Variants in SH3GL2 observed in about 807,000 individuals in gnomAD.
SH3GL2 encodes the protein endophilin-A1.
A neutral mutation model predicts 46.0 loss-of-function variants in SH3GL2; 24 were observed. The ratio of observed to expected loss-of-function variants is 0.52; its 90% CI spans 0.38 to 0.73. SH3GL2 has a LOEUF of 0.73. Ranked by LOEUF, SH3GL2 falls within the 30% of genes least tolerant of loss-of-function variation. SH3GL2 has a pLI of 0.00. For synonymous variants in SH3GL2, 196 were observed against 147.1 expected (o/e 1.33, Z -2.40); for missense variants, 413 against 424.2 (o/e 0.97, Z 0.23).
chr9:17,777,676 G>A (rs926997662), intron 3 of SH3GL2, among the ~76,000 whole-genome samples: 9 of 151,948 alleles, frequency 5.9e-5, no homozygotes, highest in East Asian at 1.9e-4. Flanking sequence ...TAACCTTTTC[G>A]TGGTGCATGT....
At chr9:17,597,853 TC>T (rs1818602784) in intron 1 of SH3GL2, among the ~76,000 whole-genome samples, 1 of 152,188 alleles carries the variant, frequency 6.6e-6, no homozygotes, top group African/African-American at 2.4e-5. Context: ...GGCCAGTTTT[TC>T]CCCTCTTTAT....
chr9:17,726,819 G>T (rs1385651152), intron 1 of SH3GL2, among the ~76,000 whole-genome samples: 2 of 152,268 alleles, frequency 1.3e-5, no homozygotes, highest in Middle Eastern at 3.4e-3. Flanking sequence ...TGGGGAAGAT[G>T]TGGAGAAACA....
In SH3GL2 at chr9:17,655,873, T is replaced by C. The variant is rs146957524; in HGVS notation, c.45+76586T>C. ...AGCCTGATGCATTCCAAGAGGAGGA[T>C]AGAGGTGGGTCCAGGTCACTTTGCA... On this transcript the variant is annotated intron_variant, in intron 1 of 8. Coordinates refer to ENST00000380607, the MANE Select transcript of SH3GL2 (RefSeq NM_003026.5). Among the ~76,000 whole-genome samples the C allele has an allele frequency of 1.5e-3, 222 of 152,308 alleles. 3 individuals are homozygous for C. Among genetic ancestry groups the C allele is most frequent in the African/African-American group, 5.2e-3 (217 of 41,572 alleles).
At position 17,795,571 on chromosome 9, in the gene SH3GL2, G is replaced by T. The variant is rs370370071; in HGVS notation, c.887G>T (p.Arg296Leu). The T allele has an allele frequency of 6.2e-7, 1 of 1,613,948 alleles. No homozygotes were observed. The highest frequency in any genetic ancestry group is 8.5e-7 in the Non-Finnish European group (1 of 1,179,920). ...GTCCAAATGGATCAGCCCTGCTGCC[G>T]AGCTCTGTACGACTTTGAACCTGAA... The part of the protein sequence containing the change: ...SGVQMDQPCC[R>L]ALYDFEPENE... The change falls in exon 9 of 9, where the codon CGA becomes CTA. Residue 296 changes from arginine (R) to leucine (L), a missense_variant. Arg to Leu is a moderately radical substitution (Grantham distance 102). Coordinates refer to ENST00000380607, the MANE Select transcript of SH3GL2 (RefSeq NM_003026.5).
At chr9:17,770,818 G>A (rs921705406) in intron 3 of SH3GL2, among the ~76,000 whole-genome samples, 3 of 152,192 alleles carry the variant, frequency 2.0e-5, no homozygotes, top group Non-Finnish European at 4.4e-5. Flanking sequence ...GGAAGCCAGA[G>A]CTCTCAATCA....
intron 1 of SH3GL2, among the ~76,000 whole-genome samples, chr9:17,708,680 CTTG>C (rs1193600006): frequency 4.0e-5 from 6 of 151,890 alleles, no homozygotes; most frequent in Non-Finnish European, 7.4e-5. Context: ...GATAATGCCT[CTTG>C]TTGTGCTTCA....
At chr9:17,777,797 A>C (rs181902122) in intron 3 of SH3GL2, among the ~76,000 whole-genome samples, 13 of 152,188 alleles carry the variant, frequency 8.5e-5, no homozygotes, top group African/African-American at 3.1e-4. Context: ...TAAAAGCACT[A>C]TCTCAAAATA....
At chr9:17,722,542 A>G (rs1438737133) in intron 1 of SH3GL2, among the ~76,000 whole-genome samples, 1 of 151,758 alleles carries the variant, frequency 6.6e-6, no homozygotes, top group Admixed American at 6.6e-5. Context: ...TATCATTATT[A>G]TACTTTAAGT....
At chr9:17,604,372 T>C (rs1236033726) in intron 1 of SH3GL2, among the ~76,000 whole-genome samples, 1 of 152,340 alleles carries the variant, frequency 6.6e-6, no homozygotes, top group African/African-American at 2.4e-5. Context: ...GAGGTTGTTA[T>C]GGGGATTAAC....
chr9:17,730,132 T>G (rs903722696), intron 1 of SH3GL2, among the ~76,000 whole-genome samples: 1 of 152,174 alleles, frequency 6.6e-6, no homozygotes, highest in African/African-American at 2.4e-5. Flanking sequence ...CCTCTCTTAT[T>G]TCCTTGAGCA....
chr9:17,663,933 C>G (rs1820283794), intron 1 of SH3GL2, among the ~76,000 whole-genome samples: 1 of 152,182 alleles, frequency 6.6e-6, no homozygotes, highest in African/African-American at 2.4e-5. Context: ...GAGAGAGACA[C>G]TTCTCTAGTC....
At chr9:17,690,688 A>G (rs557761919) in intron 1 of SH3GL2, among the ~76,000 whole-genome samples, 44 of 152,120 alleles carry the variant, frequency 2.9e-4, no homozygotes, top group Non-Finnish European at 6.0e-4. Context: ...CTCTCTCTCC[A>G]TTCTTTCCTA....
intron 1 of SH3GL2, among the ~76,000 whole-genome samples, chr9:17,674,940 C>G (rs1820570721): frequency 6.6e-6 from 1 of 152,082 alleles, no homozygotes; most frequent in Non-Finnish European, 1.5e-5. Context: ...AGCCCAGATT[C>G]AAGGGATGGG....
At chr9:17,599,303 C>A (rs535474355) in intron 1 of SH3GL2, among the ~76,000 whole-genome samples, 1 of 152,270 alleles carries the variant, frequency 6.6e-6, no homozygotes, top group African/African-American at 2.4e-5. Flanking sequence ...AAATGAAGAA[C>A]TGCTGAGTAG....
intron 2 of SH3GL2, among the ~76,000 whole-genome samples, chr9:17,749,733 TA>T (rs1270308836): frequency 6.6e-6 from 1 of 152,220 alleles, no homozygotes; most frequent in Non-Finnish European, 1.5e-5. Flanking sequence ...TTTGGAGATT[TA>T]TTTTGGTGAG....
At chr9:17,615,603 C>T (rs2038518) in intron 1 of SH3GL2, among the ~76,000 whole-genome samples, 23,713 of 144,122 alleles carry the variant, frequency 0.16, 2,012 homozygotes, top group Middle Eastern at 0.28. Flanking sequence ...TGCAGTGAGC[C>T]GAGATTGCGC....
chr9:17,590,608 C>G (rs1049678405), intron 1 of SH3GL2: 1 of 152,084 alleles, frequency 6.6e-6, no homozygotes, highest in Non-Finnish European at 1.5e-5. Context: ...ACCTTAAACC[C>G]AGTCCAAATT....
At chr9:17,638,081 C>G (rs923270049) in intron 1 of SH3GL2, among the ~76,000 whole-genome samples, 1 of 151,336 alleles carries the variant, frequency 6.6e-6, no homozygotes, top group African/African-American at 2.4e-5. Flanking sequence ...GGCATGAACC[C>G]GGGAGGCGGA....
At chr9:17,691,472 G>T (rs1034257156) in intron 1 of SH3GL2, among the ~76,000 whole-genome samples, 1 of 151,944 alleles carries the variant, frequency 6.6e-6, no homozygotes, top group African/African-American at 2.4e-5. Flanking sequence ...TAATTTTTTG[G>T]GCGGCCTACA....
Sources: gnomAD v4.1 joint callset for allele counts (sites outside exome capture counted in the v4.1 genomes callset) on GRCh38, gnomAD v4.1.1 for gene constraint, MANE v1.5 for transcripts, NCBI Gene and HGNC (gene_info 2026-07-23, HGNC 2026-07-21) for gene names.